Variants in ZNF285 observed in about 807,000 individuals in gnomAD.
ZNF285 encodes the protein zinc finger protein 285, also known as zinc finger protein 285A.
In ZNF285, 4 loss-of-function variants were observed where a neutral mutation model predicts 6.2. The ratio of observed to expected loss-of-function variants is 0.65; its 90% confidence interval spans 0.32 to 1.49. The LOEUF (loss-of-function observed/expected upper bound fraction) is 1.49. ZNF285 is among the 40% of genes most tolerant of loss of function. The probability of loss-of-function intolerance (pLI) is 0.07; values close to 1 mark genes in which losing one functional copy is unlikely to be tolerated. For synonymous variants in ZNF285, 240 were observed against 245.8 expected, an observed-to-expected ratio of 0.98 and a Z score of 0.22; for missense variants, 695 against 708.8, an observed-to-expected ratio of 0.98 and a Z score of 0.22.
rs75420064 is a variant in ZNF285 at position 44,383,353 on chromosome 19, C to G, written c.*3119G>C. On this transcript the variant is annotated 3_prime_UTR_variant, in exon 4 of 4. Coordinates refer to ENST00000614994, the MANE Select transcript of ZNF285 (RefSeq NM_152354.6). ...GGTGAAAGTATCATTGAGCCTGTTC[C>G]CTGATGAGGCCTTAAGAGATCACAG... is the stretch of plus-strand genomic sequence containing the variant. 1.3e-5 allele frequency: 2 copies of G among 152,136 alleles called. No individual in the cohort carries two copies. Among genetic ancestry groups the G allele is most frequent in the Non-Finnish European group, 2.9e-5 (2 of 68,038 alleles). 9.4% of individuals were successfully genotyped at this position (152,136 alleles called of 1,614,324 possible). A position where few individuals can be genotyped will look rare whatever the true frequency, so the allele number is the denominator to read the frequency against.
intron 1 of ZNF285, 149 bp downstream of exon 1, chr19:44,401,419 C>G (rs1599978426): frequency 6.6e-6 from 1 of 152,348 alleles, no homozygotes; most frequent in East Asian, 1.9e-4. Flanking sequence ...CTTCCCTAGT[C>G]TACCCCACCT....
chr19:44,400,370 G>GT (rs1418982049), intron 1 of ZNF285, among the ~76,000 whole-genome samples: 6 of 151,770 alleles, frequency 4.0e-5, no homozygotes, highest in African/African-American at 1.5e-4. Flanking sequence ...GATCAGAAAT[G>GT]TAATAAATGC....
chr19:44,393,734 G>A lies in ZNF285; in HGVS notation c.16-1268C>T, dbSNP rs191449747. Among the ~76,000 whole-genome samples the A allele has an allele frequency of 3.0e-3, 452 of 152,156 alleles. 5 individuals are homozygous for A. Among genetic ancestry groups the A allele is most frequent in the African/African-American group, 0.01 (421 of 41,458 alleles). ...GATACCATCTCACACCAGTTAGAAT[G>A]GCGATCATTAAAAAGTCAGGAAACA... On this transcript the variant is annotated intron_variant, in intron 2 of 3. Coordinates refer to ENST00000614994, the MANE Select transcript of ZNF285 (RefSeq NM_152354.6).
At chr19:44,392,660 T>G in intron 2 of ZNF285, 194 bp from the exon 3 acceptor site, 1 of 1,050,166 alleles carries the variant, frequency 9.5e-7, no homozygotes, top group Non-Finnish European at 1.4e-6. Context: ...TTCTCTTGGC[T>G]TGCAGACAGC....
intron 2 of ZNF285, among the ~76,000 whole-genome samples, chr19:44,395,020 C>T (rs963585091): frequency 1.3e-5 from 2 of 152,136 alleles, no homozygotes; most frequent in African/African-American, 2.4e-5. Context: ...CTCATTCTCC[C>T]TTCTCTGCCT....
In ZNF285 at chr19:44,392,418, G is replaced by A. The variant is rs1200888564; in HGVS notation, c.64C>T (p.Leu22=). The A allele has an allele frequency of 6.2e-6, 10 of 1,613,678 alleles. No homozygotes were observed. Among genetic ancestry groups the A allele is most frequent in the Non-Finnish European group, 5.1e-6 (6 of 1,179,838 alleles). The change falls in exon 3 of 4, where the codon CTG becomes TTG. Residue 22 remains leucine (L), a synonymous_variant. Coordinates refer to ENST00000614994, the MANE Select transcript of ZNF285 (RefSeq NM_152354.6). ...DVAVVFTKEE[L]ALLDKAQINL... is the part of the protein sequence containing the mutation. ...ATCTGGGCTTTATCCAATAGTGCCA[G>A]CTCTTCCTTGGTGAAGACAACAGCC...
rs1971030194 is a variant in ZNF285, at chr19:44,383,481, A to T, written c.*2991T>A. On this transcript the variant is annotated 3_prime_UTR_variant, in exon 4 of 4. Coordinates refer to ENST00000614994, the MANE Select transcript of ZNF285 (RefSeq NM_152354.6). ...AGAGAACTTCGTTGTCTCATCTATG[A>T]CCATCATAAAACAGCCAGGCCCAGA... 1.3e-5 allele frequency: 2 copies of T among 152,086 alleles called. No homozygotes were observed. Among genetic ancestry groups the T allele is most frequent in the Non-Finnish European group, 2.9e-5 (2 of 68,016 alleles). The allele number at this position is 152,086 out of a possible 1,614,324, so 9.4% of individuals were successfully genotyped here. A position where few individuals can be genotyped will look rare whatever the true frequency, so the allele number is the denominator to read the frequency against.
intron 1 of ZNF285, among the ~76,000 whole-genome samples, chr19:44,400,155 C>T (rs1332349656): frequency 6.0e-5 from 9 of 149,656 alleles, no homozygotes; most frequent in Non-Finnish European, 1.3e-4. Flanking sequence ...ACACATGGCA[C>T]CTCAAGACTC....
chr19:44,383,887 A>C lies in ZNF285; in HGVS notation c.*2585T>G, dbSNP rs1488061723. 2 of 152,176 alleles carry C rather than the reference A, an allele frequency of 1.3e-5. No homozygotes were observed. Among genetic ancestry groups the C allele is most frequent in the Non-Finnish European group, 2.9e-5 (2 of 68,022 alleles). 9.4% of individuals were successfully genotyped at this position (152,176 alleles called of 1,614,324 possible). A position where few individuals can be genotyped will look rare whatever the true frequency, so the allele number is the denominator to read the frequency against. ...GGAAAAGCAAACAATTTTGTGAAGT[A>C]GGGAGACATTCCTGTTAGCATCATA... On this transcript the variant is annotated 3_prime_UTR_variant, in exon 4 of 4. Transcript: ENST00000614994.
rs1247693581 is a variant in ZNF285 at position 44,385,251 on chromosome 19, C to T, written c.*1221G>A. On this transcript the variant is annotated 3_prime_UTR_variant, in exon 4 of 4. Coordinates refer to ENST00000614994, the MANE Select transcript of ZNF285 (RefSeq NM_152354.6). ...TTTATTAAGACTAACCACAGAACAC[C>T]TATTCTAGTTAATTTTTAATCGCAT... 6.6e-6 allele frequency: 1 copy of T among 152,102 alleles called. No homozygotes were observed. Among genetic ancestry groups the T allele is most frequent in the African/African-American group, 2.4e-5 (1 of 41,382 alleles). The allele number at this position is 152,102 out of a possible 1,614,324, so 9.4% of individuals were successfully genotyped here.
chr19:44,392,086 G>C (rs1568387229), intron 3 of ZNF285: 1 of 1,087,750 alleles, frequency 9.2e-7, no homozygotes, highest in Non-Finnish European at 1.2e-6. Flanking sequence ...AGGGGAGGGA[G>C]GGCTTACTTC....
At chr19:44,393,451 T>C (rs180852519) in intron 2 of ZNF285, among the ~76,000 whole-genome samples, 1 of 152,178 alleles carries the variant, frequency 6.6e-6, no homozygotes, top group African/African-American at 2.4e-5. Flanking sequence ...TCTGTTCATA[T>C]CCTTCACCCA....
chr19:44,397,905 A>G (rs1283900752), intron 1 of ZNF285, among the ~76,000 whole-genome samples: 1 of 145,246 alleles, frequency 6.9e-6, no homozygotes, highest in Non-Finnish European at 1.5e-5. Flanking sequence ...AAAACAGAGG[A>G]AAAAAAAAAG....
intron 1 of ZNF285, 23 bp downstream of exon 1, chr19:44,401,545 G>C (rs1289886906): frequency 6.6e-6 from 1 of 152,332 alleles, no homozygotes; most frequent in African/African-American, 2.4e-5. Flanking sequence ...CTCCAAGAGG[G>C]GCGCGGTACA....
Position 44,383,304 on chromosome 19 carries a change from G to A in ZNF285, c.*3168C>T, listed in dbSNP as rs972033098. ...CCCCATGAATCTGGGCCAGTGTTGT[G>A]ACTTGCTTTAATCATTAAAATGTGG... On this transcript the variant is annotated 3_prime_UTR_variant, in exon 4 of 4. Coordinates refer to ENST00000614994, the MANE Select transcript of ZNF285 (RefSeq NM_152354.6). 1 of 152,080 alleles carries A rather than the reference G, an allele frequency of 6.6e-6. No homozygotes were observed. The highest frequency in any genetic ancestry group is 1.5e-5 in the Non-Finnish European group (1 of 68,010). The allele number at this position is 152,080 out of a possible 1,614,324, so 9.4% of individuals were successfully genotyped here.
Position 44,387,218 on chromosome 19 carries a change from G to C in ZNF285, c.1027C>G (p.Pro343Ala). The C allele has an allele frequency of 6.2e-7, 1 of 1,614,148 alleles. No homozygotes were observed. Among genetic ancestry groups the C allele is most frequent in the South Asian group, 1.1e-5 (1 of 91,088 alleles). ...TTCCCACATTCATCGCATTTGTAGGGCATCTCCCCTGTGTGGACTCGATGA... is the reference window on the plus strand; with the variant it reads ...TTCCCACATTCATCGCATTTGTAGGCCATCTCCCCTGTGTGGACTCGATGA... ...NHHRVHTGEM[P>A]YKCDECGKGF... The change falls in exon 4 of 4, where the codon CCC becomes GCC. Residue 343 changes from proline (P) to alanine (A), a missense_variant. Physicochemically the swap from Pro to Ala is conservative, Grantham distance 27 (BLOSUM62 -1). Transcript: ENST00000614994.
At position 44,385,006 on chromosome 19, in the gene ZNF285, A is replaced by G. The variant is rs1971047486; in HGVS notation, c.*1466T>C. On this transcript the variant is annotated 3_prime_UTR_variant, in exon 4 of 4. Coordinates refer to ENST00000614994, the MANE Select transcript of ZNF285 (RefSeq NM_152354.6). ...CACAGCAAGACCCTGTTTCCAAAAA[A>G]AAAAAAAAAAAAAAAAAGCAAAGAG... 1 of 142,846 alleles carries G rather than the reference A, an allele frequency of 7.0e-6. No homozygotes were observed. Among genetic ancestry groups the G allele is most frequent in the South Asian group, 2.1e-4 (1 of 4,690 alleles). The allele number at this position is 142,846 out of a possible 1,614,324, so 8.8% of individuals were successfully genotyped here. A position where few individuals can be genotyped will look rare whatever the true frequency, so the allele number is the denominator to read the frequency against.
chr19:44,392,092 A>T, intron 3 of ZNF285: 1 of 1,176,260 alleles, frequency 8.5e-7, no homozygotes, highest in Non-Finnish European at 1.1e-6. Context: ...GGGAGGGCTT[A>T]CTTCCTGCAC....
chr19:44,384,700 C>A lies in ZNF285; in HGVS notation c.*1772G>T, dbSNP rs1313202949. The stretch of plus-strand genomic sequence containing the variant: ...CTGTTTTTGAAGGAAAAAAAAAACA[C>A]CTTGTGGGATGAGTGCAGTGGCCCA... On this transcript the variant is annotated 3_prime_UTR_variant, in exon 4 of 4. Transcript: ENST00000614994. 6.6e-6 allele frequency: 1 copy of A among 151,616 alleles called. No homozygotes were observed. The highest frequency in any genetic ancestry group is 1.5e-5 in the Non-Finnish European group (1 of 67,890). The allele number at this position is 151,616 out of a possible 1,614,324, so 9.4% of individuals were successfully genotyped here.
Sources: gnomAD v4.1 joint callset for allele counts (sites outside exome capture counted in the v4.1 genomes callset) on GRCh38, gnomAD v4.1.1 for gene constraint, MANE v1.5 for transcripts, NCBI Gene and HGNC (gene_info 2026-07-23, HGNC 2026-07-21) for gene names.